Variants in TACC2 observed in about 807,000 individuals in gnomAD.
TACC2 encodes transforming acidic coiled-coil-containing protein 2.
In TACC2, 137 loss-of-function variants were observed where a neutral mutation model predicts 227.3. The ratio of observed to expected loss-of-function variants is 0.60; its 90% CI spans 0.52 to 0.69. The LOEUF (loss-of-function observed/expected upper bound fraction) is 0.69, where lower values mean the gene tolerates loss of function less well. Ranked by LOEUF, TACC2 falls within the 30% of genes least tolerant of loss-of-function variation. The pLI is 0.00. For synonymous variants in TACC2, 1,523 were observed against 1,487.5 expected, an observed-to-expected ratio of 1.02 and a Z score of -0.55; for missense variants, 3,470 against 3,694.4, an observed-to-expected ratio of 0.94 and a Z score of 1.57.
intron 8 of TACC2, among the ~76,000 whole-genome samples, chr10:122,195,814 A>G (rs1211321131): frequency 2.0e-5 from 3 of 152,192 alleles, no homozygotes; most frequent in Non-Finnish European, 4.4e-5. Context: ...CACCTCTCAC[A>G]TGGAAGATTC....
At chr10:122,146,959 T>C (rs981832342) in intron 7 of TACC2, among the ~76,000 whole-genome samples, 1 of 152,148 alleles carries the variant, frequency 6.6e-6, no homozygotes, top group Non-Finnish European at 1.5e-5. Flanking sequence ...TGCCCCACTA[T>C]TGGAATTTGT....
At chr10:122,192,174 C>T (rs1392600107) in intron 7 of TACC2, among the ~76,000 whole-genome samples, 2 of 152,126 alleles carry the variant, frequency 1.3e-5, no homozygotes, top group African/African-American at 4.8e-5. Context: ...CTGTGGTGGT[C>T]CCTGGTGTTT....
chr10:122,226,225 CTCTTCCTGGTGGCT>C, intron 12 of TACC2, 127 bp from the exon 13 acceptor site: 1 of 628,666 alleles, frequency 1.6e-6, no homozygotes, highest in Non-Finnish European at 2.8e-6. Flanking sequence ...ACTTCCTCCT[CTCTTCCTGGTGGCT>C]CCAGAACAAT....
intron 7 of TACC2, among the ~76,000 whole-genome samples, chr10:122,179,020 A>G (rs1402163231): frequency 6.6e-6 from 1 of 152,260 alleles, no homozygotes; most frequent in African/African-American, 2.4e-5. Context: ...ACAAAGCACA[A>G]AGCTGCTCTT....
Position 122,077,114 on chromosome 10 carries a change from C to CAAA in TACC2, c.147-5515_147-5513dup, listed in dbSNP as rs973879242. Among the ~76,000 whole-genome samples, 324 of 66,960 alleles carry CAAA rather than the reference C, an allele frequency of 4.8e-3. 1 individual carries two copies. Among genetic ancestry groups the CAAA allele is most frequent in the Non-Finnish European group, 6.4e-3 (216 of 33,716 alleles). 43.9% of individuals were successfully genotyped at this position (66,960 alleles called of 152,430 possible). A position where few individuals can be genotyped will look rare whatever the true frequency, so the allele number is the denominator to read the frequency against. On this transcript the variant is annotated intron_variant, in intron 3 of 22. Coordinates refer to ENST00000369005, the MANE Select transcript of TACC2 (RefSeq NM_206862.4). ...TGGGTGACAGAGTGAGACTCTGTCTCAAAAAAAAAAAAAAAAAAAAGAATG... is the reference window on the plus strand; with the variant it reads ...TGGGTGACAGAGTGAGACTCTGTCTCAAAAAAAAAAAAAAAAAAAAAAAGAATG...
intron 7 of TACC2, among the ~76,000 whole-genome samples, chr10:122,153,281 C>T (rs1471349565): frequency 1.3e-5 from 2 of 152,194 alleles, no homozygotes; most frequent in African/African-American, 2.4e-5. Context: ...TAAGCCATAG[C>T]GCCTGGCCCG....
chr10:122,077,288 T>C (rs527270442), intron 3 of TACC2, among the ~76,000 whole-genome samples: 9 of 152,122 alleles, frequency 5.9e-5, no homozygotes, highest in Non-Finnish European at 1.3e-4. Context: ...CATTTTATTG[T>C]TTGTTATATG....
chr10:122,084,753 T>C lies in TACC2; in HGVS notation c.2253T>C (p.Asp751=), dbSNP rs1359567691. 6.2e-7 allele frequency: 1 copy of C among 1,613,570 alleles called. No homozygotes were observed. Among genetic ancestry groups the C allele is most frequent in the Non-Finnish European group, 8.5e-7 (1 of 1,180,006 alleles). Residue 751 remains aspartate, a synonymous_variant, in exon 4 of 23, where the codon GAT becomes GAC. Coordinates refer to ENST00000369005, the MANE Select transcript of TACC2 (RefSeq NM_206862.4). The part of the protein sequence containing the change: ...TLEIRKMGSC[D]GEGLLTSPDQ... ...AAATAAGGAAGATGGGCAGCTGTGA[T>C]GGGGAGGGCTTGCTGACGTCCCCAG...
At chr10:122,122,490 C>CTT (rs2086027589) in intron 5 of TACC2, among the ~76,000 whole-genome samples, 1 of 79,728 alleles carries the variant, frequency 1.3e-5, no homozygotes. Flanking sequence ...AAAAATAATT[C>CTT]CTTTTTTTTT....
intron 3 of TACC2, among the ~76,000 whole-genome samples, chr10:122,064,327 C>T (rs2077164070): frequency 6.6e-6 from 1 of 152,096 alleles, no homozygotes; most frequent in South Asian, 2.1e-4. Context: ...TACAGTTTCC[C>T]CTATTATTAA....
intron 2 of TACC2, among the ~76,000 whole-genome samples, chr10:122,031,766 A>G (rs1369940815): frequency 6.7e-6 from 1 of 150,020 alleles, no homozygotes; most frequent in Non-Finnish European, 1.5e-5. Context: ...GTGCAGTGGC[A>G]CAATCTTGGC....
intron 7 of TACC2, among the ~76,000 whole-genome samples, chr10:122,151,121 C>A (rs959422096): frequency 2.6e-5 from 4 of 152,160 alleles, no homozygotes; most frequent in South Asian, 2.1e-4. Flanking sequence ...ACATTCCCCC[C>A]ACTCCAACTC....
In TACC2 at chr10:122,195,034, C is replaced by G; in HGVS notation, c.5835-6C>G. The G allele has an allele frequency of 6.2e-7, 1 of 1,608,518 alleles. No homozygotes were observed. Among genetic ancestry groups the G allele is most frequent in the East Asian group, 2.2e-5 (1 of 44,830 alleles). The stretch of plus-strand genomic sequence containing the variant: ...GTCTAACCTGTGCTTCTCCCTCTCT[C>G]ATCAGGAGTTCCGATTCTGAAGAGG... On this transcript the variant is annotated splice_polypyrimidine_tract_variant and splice_region_variant and intron_variant, in intron 7 of 22. Coordinates refer to ENST00000369005, the MANE Select transcript of TACC2 (RefSeq NM_206862.4).
Position 122,205,535 on chromosome 10 carries a change from A to T in TACC2, c.5972-4862A>T, listed in dbSNP as rs1281432718. Among the ~76,000 whole-genome samples the T allele has an allele frequency of 6.6e-6, 1 of 152,204 alleles. No individual in the cohort carries two copies. The highest frequency in any genetic ancestry group is 1.5e-5 in the Non-Finnish European group (1 of 68,032). ...CAAAGCTGACTCATTTTTGTGGCCAAATACTAAAGTGTTACCCACTGGAGG... is the reference window on the plus strand; with the variant it reads ...CAAAGCTGACTCATTTTTGTGGCCATATACTAAAGTGTTACCCACTGGAGG... On this transcript the variant is annotated intron_variant, in intron 8 of 22. Coordinates refer to ENST00000369005, the MANE Select transcript of TACC2 (RefSeq NM_206862.4). This position sits in a 1 kb window ranked among gnomAD's most constrained non-coding sequence, Gnocchi z 4.5.
intron 5 of TACC2, among the ~76,000 whole-genome samples, chr10:122,130,397 C>G (rs2087819168): frequency 6.6e-6 from 1 of 152,050 alleles, no homozygotes; most frequent in African/African-American, 2.4e-5. Context: ...ATACGTGGCT[C>G]CCTGAATGGG....
chr10:122,253,271 G>A (rs1000679521), intron 22 of TACC2, among the ~76,000 whole-genome samples: 6 of 152,332 alleles, frequency 3.9e-5, no homozygotes, highest in Non-Finnish European at 8.8e-5. Flanking sequence ...TGTTGAACTT[G>A]ATCAGCATCA....
chr10:122,012,200 T>A (rs1160351628), intron 1 of TACC2, among the ~76,000 whole-genome samples: 2 of 151,812 alleles, frequency 1.3e-5, no homozygotes, highest in Admixed American at 1.3e-4. Context: ...GGCGGGTGGA[T>A]CATGAGGTCA....
chr10:122,172,087 C>T (rs767196223), intron 7 of TACC2, among the ~76,000 whole-genome samples: 1 of 152,266 alleles, frequency 6.6e-6, no homozygotes, highest in East Asian at 1.9e-4. Context: ...GTACCTGACA[C>T]CTGTTGAGAC....
chr10:122,254,075 G>C lies in TACC2; in HGVS notation c.*19G>C. 1 of 1,611,560 alleles carries C rather than the reference G, an allele frequency of 6.2e-7. No homozygotes were observed. The highest frequency in any genetic ancestry group is 8.5e-7 in the Non-Finnish European group (1 of 1,177,632). ...AAGCTAACTCTGAACCGAATGTTTTGGACTTAACTGTTGCGTGCAATATGA... is the reference window on the plus strand; with the variant it reads ...AAGCTAACTCTGAACCGAATGTTTTCGACTTAACTGTTGCGTGCAATATGA... On this transcript the variant is annotated 3_prime_UTR_variant, in exon 23 of 23. Coordinates refer to ENST00000369005, the MANE Select transcript of TACC2 (RefSeq NM_206862.4).
Sources: gnomAD v4.1 joint callset for allele counts (sites outside exome capture counted in the v4.1 genomes callset) on GRCh38, gnomAD v4.1.1 for gene constraint, Gnocchi (gnomAD v3.1) non-coding constraint, MANE v1.5 for transcripts, NCBI Gene and HGNC (gene_info 2026-07-23, HGNC 2026-07-21) for gene names.